The following FEZF2 variants were observed in gnomAD, a reference collection of about 807,000 sequenced individuals.
FEZF2 encodes FEZ family zinc finger 2.
Under a neutral mutation model 32.8 loss-of-function variants are expected in FEZF2, and 2 were observed. The observed-to-expected ratio is 0.06, with a 90% CI of 0.02 to 0.19. The LOEUF (loss-of-function observed/expected upper bound fraction) is 0.19, where lower values mean the gene tolerates loss of function less well. FEZF2 is among the 10% of genes least tolerant of loss of function. The pLI is 1.00. For synonymous variants in FEZF2, 322 were observed against 284.8 expected, an observed-to-expected ratio of 1.13 and a Z score of -1.32; for missense variants, 516 against 625.4, an observed-to-expected ratio of 0.83 and a Z score of 1.87.
chr3:62,370,109 C>A lies in FEZF2; in HGVS notation c.1354G>T (p.Asp452Tyr). 6.2e-7 allele frequency: 1 copy of A among 1,614,100 alleles called. No individual in the cohort carries two copies. The change falls in exon 5 of 5, where the codon GAC becomes TAC. Residue 452 changes from aspartate to tyrosine, a missense_variant. Asp to Tyr is a radical substitution (Grantham distance 160). Coordinates refer to ENST00000283268, the MANE Select transcript of FEZF2 (RefSeq NM_018008.4). The surrounding 1 kb of genome is among the most constrained non-coding windows in gnomAD (Gnocchi z 4.2). ...SVGPAAPSAK[D>Y]LTRTVQS ...CAGCTCTGCACTGTCCTAGTCAGGTCCTTTGCGGAGGGGGCAGCAGGGCCC... is the reference window on the plus strand; with the variant it reads ...CAGCTCTGCACTGTCCTAGTCAGGTACTTTGCGGAGGGGGCAGCAGGGCCC...
Position 62,373,203 on chromosome 3 carries a change from C to A in FEZF2, c.-59+76G>T, listed in dbSNP as rs1704300884. The A allele has an allele frequency of 1.1e-5, 3 of 262,584 alleles. No individual in the cohort carries two copies. The highest frequency in any genetic ancestry group is 2.2e-5 in the African/African-American group (1 of 45,346). The allele number at this position is 262,584 out of a possible 1,614,324, so 16.3% of individuals were successfully genotyped here. ...CCCTGAGCCCTTCCCTGGACCCGGG[C>A]CTCTGCCACGCGTGCTGGGAGCTGG... On this transcript the variant is annotated intron_variant, in intron 1 of 4. Transcript: ENST00000283268. This position sits in a 1 kb window ranked among gnomAD's most constrained non-coding sequence, Gnocchi z 5.5.
chr3:62,372,083 G>A lies in FEZF2; in HGVS notation c.786C>T (p.His262=), dbSNP rs766837601. The A allele has an allele frequency of 4.4e-6, 7 of 1,608,548 alleles. No individual in the cohort carries two copies. Among genetic ancestry groups the A allele is most frequent in the South Asian group, 2.2e-5 (2 of 89,918 alleles). ...LTAERGGVKG[H]SKLPGGSADG... ...CTGCGGAGCCTCCTGGCAGCTTGCT[G>A]TGGCCCTTGACGCCTCCGCGCTCGG... is the stretch of plus-strand genomic sequence containing the variant. The change falls in exon 2 of 5, where the codon CAC becomes CAT. Residue 262 remains histidine, a synonymous_variant. Transcript: ENST00000283268. This position sits in a 1 kb window ranked among gnomAD's most constrained non-coding sequence, Gnocchi z 9.6.
Position 62,370,136 on chromosome 3 carries a change from C to G in FEZF2, c.1327G>C (p.Val443Leu). The part of the protein sequence containing the change: ...KKHVRKLHDS[V>L]GPAAPSAKDL... ...TTTGCGGAGGGGGCAGCAGGGCCCA[C>G]GCTGTCGTGGAGTTTGCGCACATGT... Residue 443 changes from valine to leucine, a missense_variant, in exon 5 of 5, where the codon GTG becomes CTG. This residue lies in a region of FEZF2 where 29 missense variants were observed against 23.8 expected (regional missense o/e 1.22). Transcript: ENST00000283268. This position sits in a 1 kb window ranked among gnomAD's most constrained non-coding sequence, Gnocchi z 4.2. 6.2e-7 allele frequency: 1 copy of G among 1,614,200 alleles called. No homozygotes were observed. Among genetic ancestry groups the G allele is most frequent in the Non-Finnish European group, 8.5e-7 (1 of 1,180,042 alleles).
chr3:62,372,742 G>C lies in FEZF2; in HGVS notation c.127C>G (p.Arg43Gly), dbSNP rs376825426. The change falls in exon 2 of 5, where the codon CGT (arginine) becomes GGT (glycine). Residue 43 changes from arginine to glycine, a missense_variant. Physicochemically the swap from Arg to Gly is moderately radical, Grantham distance 125. Transcript: ENST00000283268. This position sits in a 1 kb window ranked among gnomAD's most constrained non-coding sequence, Gnocchi z 9.6. Reference protein sequence around the residue: ...ERIMAKTSEPRAPFEPRPGAL... With the variant: ...ERIMAKTSEPGAPFEPRPGAL... ...CCAGGCCGGGGCTCAAAGGGCGCACGGGGCTCCGACGTCTTGGCCATGATG... is the reference window on the plus strand; with the variant it reads ...CCAGGCCGGGGCTCAAAGGGCGCACCGGGCTCCGACGTCTTGGCCATGATG... 16 of 1,608,428 alleles carry C rather than the reference G, an allele frequency of 9.9e-6. No homozygotes were observed. In the East Asian group the frequency reaches 2.0e-4, roughly 20 times the overall value.
chr3:62,371,539 G>A lies in FEZF2; in HGVS notation c.981C>T (p.His327=). 2 of 1,612,130 alleles carry A rather than the reference G, an allele frequency of 1.2e-6. No homozygotes were observed. Among genetic ancestry groups the A allele is most frequent in the Non-Finnish European group, 8.5e-7 (1 of 1,179,006 alleles). The stretch of plus-strand genomic sequence containing the variant: ...CGACCCGGGGGCCACGTACCTGGGT[G>A]TGGATAATTTTGTGCCTGCAGAGCG... The part of the protein sequence containing the change: ...ASTLCRHKII[H]TQEKPHKCNQ... The change falls in exon 3 of 5, where the codon CAC becomes CAT. Residue 327 remains histidine, a synonymous_variant. Transcript: ENST00000283268.
Position 62,369,940 on chromosome 3 carries a change from T to C in FEZF2, c.*143A>G. ...GCCAGTCATCGAGGAAACATTTAGC[T>C]TTCCAAAAATATGCTGGTTTCGATA... On this transcript the variant is annotated 3_prime_UTR_variant, in exon 5 of 5. Transcript: ENST00000283268. This position sits in a 1 kb window ranked among gnomAD's most constrained non-coding sequence, Gnocchi z 4.2. 1 of 1,086,030 alleles carries C rather than the reference T, an allele frequency of 9.2e-7. No individual in the cohort carries two copies. Among genetic ancestry groups the C allele is most frequent in the Non-Finnish European group, 1.3e-6 (1 of 790,088 alleles). The allele number at this position is 1,086,030 out of a possible 1,614,324, so 67.3% of individuals were successfully genotyped here.
intron 3 of FEZF2, 74 bp downstream of exon 3, chr3:62,371,459 C>T (rs1159214607): frequency 6.3e-7 from 1 of 1,576,032 alleles, no homozygotes; most frequent in Non-Finnish European, 8.6e-7. Flanking sequence ...AATCTTTGGC[C>T]ATCGTATCCC....
In FEZF2 at chr3:62,370,410, T is replaced by A; in HGVS notation, c.1121-68A>T. On this transcript the variant is annotated intron_variant, in intron 4 of 4. Transcript: ENST00000283268. This position sits in a 1 kb window ranked among gnomAD's most constrained non-coding sequence, Gnocchi z 4.2. ...AATGGTGGGGAGGAAGAGGCGGGCG[T>A]CCCAGGGGCAGCCCAGGTGCCTGCT... 1 of 1,559,962 alleles carries A rather than the reference T, an allele frequency of 6.4e-7. No homozygotes were observed. The highest frequency in any genetic ancestry group is 1.2e-5 in the South Asian group (1 of 86,600).
At position 62,372,297 on chromosome 3, in the gene FEZF2, A is replaced by G; in HGVS notation, c.572T>C (p.Phe191Ser). ...CTGCGCATTGAGGAGGCCAGACGGG[A>G]AGAGGTGGCCGCTGAGGAGCTCAGA... ...PPSELLSGHL[F>S]PSGLLNAQAP... The change falls in exon 2 of 5, where the codon TTC (phenylalanine) becomes TCC (serine). Residue 191 changes from phenylalanine to serine, a missense_variant. Physicochemically the swap from Phe to Ser is radical, Grantham distance 155 (BLOSUM62 -2). Coordinates refer to ENST00000283268, the MANE Select transcript of FEZF2 (RefSeq NM_018008.4). The surrounding 1 kb of genome is among the most constrained non-coding windows in gnomAD (Gnocchi z 9.6). 1 of 1,605,756 alleles carries G rather than the reference A, an allele frequency of 6.2e-7. No homozygotes were observed. The highest frequency in any genetic ancestry group is 8.5e-7 in the Non-Finnish European group (1 of 1,177,112).
In FEZF2 at chr3:62,372,146, C is replaced by A. The variant is rs753383655; in HGVS notation, c.723G>T (p.Pro241=). The A allele has an allele frequency of 6.3e-7, 1 of 1,593,930 alleles. No homozygotes were observed. Among genetic ancestry groups the A allele is most frequent in the African/African-American group, 1.3e-5 (1 of 74,798 alleles). The change falls in exon 2 of 5, where the codon CCG becomes CCT. Residue 241 remains proline, a synonymous_variant. Transcript: ENST00000283268. The surrounding 1 kb of genome is among the most constrained non-coding windows in gnomAD (Gnocchi z 9.6). ...PYPHKERLPA[P]LEQVLKENSA... Reference sequence around the variant, plus strand: ...AGTTTTCCTTCAGTACCTGCTCCAGCGGCGCCGGCAAGCGCTCCTTATGGG... The same window carrying A: ...AGTTTTCCTTCAGTACCTGCTCCAGAGGCGCCGGCAAGCGCTCCTTATGGG...
At position 62,372,904 on chromosome 3, in the gene FEZF2, G is replaced by C; in HGVS notation, c.-36C>G. ...GCTGAGCCGAGCCAGGCTGGGCCAG[G>C]GCGCAGCCTCTCTCCTCTAAGTCTG... On this transcript the variant is annotated 5_prime_UTR_variant, in exon 2 of 5. Transcript: ENST00000283268. This position sits in a 1 kb window ranked among gnomAD's most constrained non-coding sequence, Gnocchi z 9.6. 1 of 1,364,118 alleles carries C rather than the reference G, an allele frequency of 7.3e-7. No homozygotes were observed. The highest frequency in any genetic ancestry group is 9.5e-7 in the Non-Finnish European group (1 of 1,052,518). The allele number at this position is 1,364,118 out of a possible 1,614,324, so 84.5% of individuals were successfully genotyped here.
Position 62,370,373 on chromosome 3 carries a change from G to T in FEZF2, c.1121-31C>A, listed in dbSNP as rs1328953956. ...ACAGATCAAGAACAAAAAACGTGGG[G>T]GTATGGAGTAGAATGGTGGGGAGGA... is the stretch of plus-strand genomic sequence containing the variant. On this transcript the variant is annotated intron_variant, in intron 4 of 4. Coordinates refer to ENST00000283268, the MANE Select transcript of FEZF2 (RefSeq NM_018008.4). The surrounding 1 kb of genome is among the most constrained non-coding windows in gnomAD (Gnocchi z 4.2). 8 of 1,609,990 alleles carry T rather than the reference G, an allele frequency of 5.0e-6. No homozygotes were observed. The Admixed American group carries it at 1.0e-4, about 20-fold the overall frequency.
rs2148944819 is a variant in FEZF2 at position 62,370,059 on chromosome 3, G to A, written c.*24C>T. The A allele has an allele frequency of 6.2e-7, 1 of 1,610,678 alleles. No individual in the cohort carries two copies. The highest frequency in any genetic ancestry group is 1.7e-5 in the Admixed American group (1 of 59,940). ...TCTGTTTTCAGGTGGTACAGGGAGG[G>A]AAGGAAGGGCAAGGCAGTAGCTCTC... On this transcript the variant is annotated 3_prime_UTR_variant, in exon 5 of 5. Transcript: ENST00000283268. This position sits in a 1 kb window ranked among gnomAD's most constrained non-coding sequence, Gnocchi z 4.2.
Position 62,371,212 on chromosome 3 carries a change from G to C in FEZF2, c.1120+5C>G. ...GAGAAGAGAAGGCCTCGCCTGGCAC[G>C]TTACCTTTTTGGTGAAAGCCTTTGC... is the stretch of plus-strand genomic sequence containing the variant. On this transcript the variant is annotated splice_donor_5th_base_variant and intron_variant, in intron 4 of 4. Coordinates refer to ENST00000283268, the MANE Select transcript of FEZF2 (RefSeq NM_018008.4). 3.7e-6 allele frequency: 6 copies of C among 1,614,272 alleles called. No individual in the cohort carries two copies. Among genetic ancestry groups the C allele is most frequent in the South Asian group, 1.1e-5 (1 of 91,082 alleles).
chr3:62,371,751 C>T (rs1198163526), intron 2 of FEZF2, 84 bp from the exon 3 acceptor site: 7 of 1,527,088 alleles, frequency 4.6e-6, no homozygotes, highest in Non-Finnish European at 5.3e-6. Flanking sequence ...CTACCTCCCC[C>T]AACCAACACC....
intron 2 of FEZF2, 151 bp from the exon 3 acceptor site, chr3:62,371,818 A>G (rs976791469): frequency 2.1e-5 from 29 of 1,391,406 alleles, no homozygotes; most frequent in Non-Finnish European, 2.6e-5. Context: ...ACTCCTGCTT[A>G]CACCAATACT....
At position 62,372,502 on chromosome 3, in the gene FEZF2, C is replaced by A. The variant is rs775445650; in HGVS notation, c.367G>T (p.Ala123Ser). The change falls in exon 2 of 5, where the codon GCC (alanine) becomes TCC (serine). Residue 123 changes from alanine to serine, a missense_variant. Transcript: ENST00000283268. The surrounding 1 kb of genome is among the most constrained non-coding windows in gnomAD (Gnocchi z 9.6). ...CAGTTGGTTTTGCACAAGCCGCTGG[C>A]GCCGCACACTGGGGCCCCCCCGCCG... is the stretch of plus-strand genomic sequence containing the variant. The part of the protein sequence containing the change: ...GGGGGAPVCG[A>S]SGLCKTNCGV... 1.7e-5 allele frequency: 24 copies of A among 1,410,992 alleles called. No individual in the cohort carries two copies. The Admixed American group carries it at 6.1e-4, about 36-fold the overall frequency. The allele number at this position is 1,410,992 out of a possible 1,614,324, so 87.4% of individuals were successfully genotyped here.
Position 62,371,681 on chromosome 3 carries a change from T to C in FEZF2, c.853-14A>G. On this transcript the variant is annotated splice_polypyrimidine_tract_variant and intron_variant, in intron 2 of 4. Transcript: ENST00000283268. ...AGCGTTAAACACCTATGGAAAGACA[T>C]GGGGGGCCTTGTGGTGCGTCTGTCC... 6.2e-7 allele frequency: 1 copy of C among 1,601,070 alleles called. No homozygotes were observed. The highest frequency in any genetic ancestry group is 2.2e-5 in the East Asian group (1 of 44,608).
chr3:62,371,326 C>T lies in FEZF2; in HGVS notation c.1011G>A (p.Gln337=). 3 of 1,614,176 alleles carry T rather than the reference C, an allele frequency of 1.9e-6. No homozygotes were observed. The highest frequency in any genetic ancestry group is 2.5e-6 in the Non-Finnish European group (3 of 1,179,998). Reference sequence around the variant, plus strand: ...AGCTGCGGTTGAACGCTTTGCCGCACTGGTTGCATTTATGTGGCTTTTCCT... The same window carrying T: ...AGCTGCGGTTGAACGCTTTGCCGCATTGGTTGCATTTATGTGGCTTTTCCT... ...HTQEKPHKCN[Q]CGKAFNRSST... is the part of the protein sequence containing the mutation. The change falls in exon 4 of 5, where the codon CAG becomes CAA. Residue 337 remains glutamine (Q), a synonymous_variant. Transcript: ENST00000283268.
Sources: gnomAD v4.1 joint callset for allele counts on GRCh38, gnomAD v4.1.1 for gene constraint, gnomAD v4.1.1 regional missense constraint, Gnocchi (gnomAD v3.1) non-coding constraint, MANE v1.5 for transcripts, NCBI Gene and HGNC (gene_info 2026-07-23, HGNC 2026-07-21) for gene names.